PPIP5K1: variants seen among roughly 807,000 people sequenced by gnomAD.
The protein encoded by PPIP5K1 is diphosphoinositol pentakisphosphate kinase 1.
Under a neutral mutation model 27.7 loss-of-function variants are expected in PPIP5K1, and 6 were observed. The ratio of observed to expected loss-of-function variants is 0.22; its 90% confidence interval spans 0.12 to 0.43. The LOEUF is 0.43. PPIP5K1 is among the 20% of genes least tolerant of loss of function. The pLI is 1.00. For synonymous variants in PPIP5K1, 145 were observed against 242.6 expected (o/e 0.60, Z 3.74); for missense variants, 394 against 635.4 (o/e 0.62, Z 4.08).
intron 30 of PPIP5K1, among the ~76,000 whole-genome samples, chr15:43,551,906 T>G (rs1390613110): frequency 6.6e-6 from 1 of 151,686 alleles, no homozygotes; most frequent in Non-Finnish European, 1.5e-5. Context: ...CCCGGCTCCT[T>G]TTGCTTTTTG....
At chr15:43,555,810 C>T (rs937345172) in intron 30 of PPIP5K1, among the ~76,000 whole-genome samples, 2 of 150,814 alleles carry the variant, frequency 1.3e-5, no homozygotes, top group Middle Eastern at 3.5e-3. Flanking sequence ...TTCACCGTAT[C>T]ACCCAGGCTG....
intron 30 of PPIP5K1, among the ~76,000 whole-genome samples, chr15:43,540,696 C>CAA (rs879456184): frequency 7.9e-6 from 1 of 127,298 alleles, no homozygotes; most frequent in Non-Finnish European, 1.7e-5. Context: ...GACTCTGTCT[C>CAA]AAAAAAAAAA....
At chr15:43,553,251 A>G (rs1595820248) in intron 30 of PPIP5K1, among the ~76,000 whole-genome samples, 1 of 152,100 alleles carries the variant, frequency 6.6e-6, no homozygotes, top group Non-Finnish European at 1.5e-5. Context: ...AAGCATCTGC[A>G]TTCTGCAGTT....
At chr15:43,550,978 A>G (rs1190625865) in intron 30 of PPIP5K1, among the ~76,000 whole-genome samples, 1 of 151,926 alleles carries the variant, frequency 6.6e-6, no homozygotes, top group African/African-American at 2.4e-5. Flanking sequence ...TAATTCTTTT[A>G]TTGTGCTGTC....
chr15:43,579,576 CACATATAT>C lies in PPIP5K1; in HGVS notation c.1062-464_1062-457del, dbSNP rs1316994776. ...ATATACATATATACGTACATATATA[CACATATAT>C]ACATATATGTGTACGTGTGTGTGTG... On this transcript the variant is annotated intron_variant, in intron 10 of 31. Coordinates refer to ENST00000420765, the MANE Select transcript of PPIP5K1 (RefSeq NM_001394395.1). Among the ~76,000 whole-genome samples, 112 of 67,724 alleles carry C rather than the reference CACATATAT, an allele frequency of 1.7e-3. 3 individuals are homozygous for C. Among genetic ancestry groups the C allele is most frequent in the Non-Finnish European group, 2.2e-3 (97 of 44,724 alleles). 44.4% of individuals were successfully genotyped at this position (67,724 alleles called of 152,430 possible).
At chr15:43,558,706 A>G (rs909959324) in intron 30 of PPIP5K1, 89 bp downstream of exon 30, 1 of 1,542,544 alleles carries the variant, frequency 6.5e-7, no homozygotes, top group African/African-American at 1.4e-5. Context: ...GGATTGCCTA[A>G]CTAGCTTTCT....
At chr15:43,537,615 G>T (rs2080062035) in intron 31 of PPIP5K1, among the ~76,000 whole-genome samples, 1 of 148,436 alleles carries the variant, frequency 6.7e-6, no homozygotes, top group Non-Finnish European at 1.5e-5. Context: ...CTTGAGCCTG[G>T]GATGTGGAGG....
chr15:43,538,725 G>C (rs2140358729), intron 31 of PPIP5K1, among the ~76,000 whole-genome samples: 1 of 151,830 alleles, frequency 6.6e-6, no homozygotes, highest in South Asian at 2.1e-4. Flanking sequence ...TGTTAGCCAG[G>C]ATGGTCTCAA....
At position 43,535,449 on chromosome 15, in the gene PPIP5K1, G is replaced by A. The variant is rs1297367729; in HGVS notation, c.3698C>T (p.Ser1233Phe). ...AGTAGGGGAAGAAGGACCAGCACTG[G>A]ACACAGTGCTAGAAGGGCCACTGCT... ...WYSSGPSSTV[S>F]SAGPSSPTTV... The change falls in exon 32 of 32, where the codon TCC becomes TTC. Residue 1233 changes from serine (S) to phenylalanine (F), a missense_variant. Ser to Phe is a radical substitution (Grantham distance 155). Around this residue, in one of 4 missense-constraint regions of PPIP5K1, gnomAD observed 379 missense variants for 423.9 expected, o/e 0.89. Coordinates refer to ENST00000420765, the MANE Select transcript of PPIP5K1 (RefSeq NM_001394395.1). 1 of 1,597,408 alleles carries A rather than the reference G, an allele frequency of 6.3e-7. No individual in the cohort carries two copies. Among genetic ancestry groups the A allele is most frequent in the Non-Finnish European group, 8.5e-7 (1 of 1,172,942 alleles).
intron 30 of PPIP5K1, among the ~76,000 whole-genome samples, chr15:43,540,861 C>CAAAAAA (rs34085400): frequency 5.4e-5 from 4 of 73,838 alleles, no homozygotes; most frequent in African/African-American, 9.5e-5. Flanking sequence ...GACTCTGTCT[C>CAAAAAA]AAAAAAAAAA....
At chr15:43,552,194 A>G (rs566752757) in intron 30 of PPIP5K1, among the ~76,000 whole-genome samples, 46 of 152,130 alleles carry the variant, frequency 3.0e-4, no homozygotes, top group African/African-American at 9.9e-4. Flanking sequence ...GGCTCAAGCA[A>G]TCCTCCCACT....
Position 43,539,542 on chromosome 15 carries a change from G to A in PPIP5K1, c.3598C>T (p.Pro1200Ser), listed in dbSNP as rs1356279005. Residue 1200 changes from proline to serine, a missense_variant, in exon 31 of 32, where the codon CCA becomes TCA. By Grantham distance (74) the Pro-to-Ser change is moderately conservative. Coordinates refer to ENST00000420765, the MANE Select transcript of PPIP5K1 (RefSeq NM_001394395.1). ...SMHSSQASDN[P>S]FSPPRTLHSP... ...TGAAGAGTACGTGGTGGAGAAAATGGGTTATCTGAGGCCTGGCTGCTGTGC... is the reference window on the plus strand; with the variant it reads ...TGAAGAGTACGTGGTGGAGAAAATGAGTTATCTGAGGCCTGGCTGCTGTGC... 1 of 1,609,934 alleles carries A rather than the reference G, an allele frequency of 6.2e-7. No individual in the cohort carries two copies. Among genetic ancestry groups the A allele is most frequent in the Non-Finnish European group, 8.5e-7 (1 of 1,177,732 alleles).
intron 29 of PPIP5K1, among the ~76,000 whole-genome samples, chr15:43,559,930 C>T (rs1361608669): frequency 5.9e-5 from 9 of 151,800 alleles, no homozygotes; most frequent in South Asian, 2.1e-4. Context: ...GACTAAAGCC[C>T]GTAACTCAAA....
intron 30 of PPIP5K1, among the ~76,000 whole-genome samples, chr15:43,557,049 G>A (rs1012735068): frequency 5.3e-5 from 8 of 152,128 alleles, no homozygotes; most frequent in African/African-American, 1.7e-4. Context: ...TAATTTTTAC[G>A]TTTAGATTTC....
intron 30 of PPIP5K1, among the ~76,000 whole-genome samples, chr15:43,552,181 T>C (rs2082293584): frequency 6.6e-6 from 1 of 152,050 alleles, no homozygotes; most frequent in South Asian, 2.1e-4. Context: ...TCTTGAACTC[T>C]TGGGCTCAAG....
chr15:43,537,174 A>C (rs1567000848), intron 31 of PPIP5K1, among the ~76,000 whole-genome samples: 1 of 150,860 alleles, frequency 6.6e-6, no homozygotes, highest in Non-Finnish European at 1.5e-5. Context: ...TCCTCTACTA[A>C]AAATACAAAA....
intron 30 of PPIP5K1, among the ~76,000 whole-genome samples, chr15:43,544,913 T>C (rs1374749308): frequency 3.9e-5 from 6 of 152,154 alleles, no homozygotes; most frequent in Non-Finnish European, 7.3e-5. Flanking sequence ...GCGTGGTGGC[T>C]CACGCCTGTA....
intron 30 of PPIP5K1, among the ~76,000 whole-genome samples, chr15:43,542,664 G>GTGTT (rs1555423171): frequency 2.6e-4 from 39 of 148,792 alleles, no homozygotes; most frequent in African/African-American, 9.7e-4. Context: ...GTGTGTGTGT[G>GTGTT]TGTGTGTGTG....
chr15:43,552,320 C>T (rs558710571), intron 30 of PPIP5K1, among the ~76,000 whole-genome samples: 1 of 152,084 alleles, frequency 6.6e-6, no homozygotes, highest in Admixed American at 6.5e-5. Flanking sequence ...TTTGCTGCAT[C>T]CCATACCATC....
Sources: allele counts gnomAD v4.1 joint callset (sites outside exome capture counted in the v4.1 genomes callset), GRCh38; gene constraint gnomAD v4.1.1; regional missense constraint gnomAD v4.1.1; transcripts MANE v1.5; gene names NCBI Gene and HGNC (gene_info 2026-07-23, HGNC 2026-07-21).